GOLGA8N: variants seen among roughly 807,000 people sequenced by gnomAD.
GOLGA8N encodes the protein golgin subfamily A member 8N.
Under a neutral mutation model 22.0 loss-of-function variants are expected in GOLGA8N, and 2 were observed. That is an observed-to-expected ratio of 0.09 (90% confidence interval 0.04 to 0.29). The LOEUF is 0.29. GOLGA8N is among the 10% of genes least tolerant of loss of function. The probability of loss-of-function intolerance (pLI) is 1.00; values close to 1 mark genes in which losing one functional copy is unlikely to be tolerated. For missense variants in GOLGA8N, 10 were observed against 164.7 expected (o/e 0.06, Z 5.14); for synonymous variants, 2 against 58.7 (o/e 0.03, Z 4.41).
chr15:32,606,667 A>T (rs1349401040), exon 19 of GOLGA8N: 1 of 150,418 alleles, frequency 6.6e-6, no homozygotes, highest in African/African-American at 2.5e-5. Context: ...TGTCTGTAGG[A>T]AGAATCAAAA....
intron 8 of GOLGA8N, among the ~76,000 whole-genome samples, chr15:32,598,934 G>C (rs1196035908): frequency 1.6e-5 from 1 of 62,414 alleles, no homozygotes; most frequent in African/African-American, 4.9e-5. Context: ...TTGTTAGCAC[G>C]GTACCTGGTG....
chr15:32,606,529 C>T (rs900784361), exon 19 of GOLGA8N: 11 of 151,604 alleles, frequency 7.3e-5, no homozygotes, highest in Non-Finnish European at 1.5e-4. Flanking sequence ...CTCATTCAGC[C>T]GAGTATTTGT....
exon 19 of GOLGA8N, chr15:32,605,494 G>A (rs1222551560): frequency 5.9e-5 from 9 of 151,366 alleles, no homozygotes; most frequent in African/African-American, 1.2e-4. Context: ...GTTTCTGTTC[G>A]GGACATATTT....
exon 19 of GOLGA8N, chr15:32,606,819 CAT>C (rs1170315223): frequency 6.7e-6 from 1 of 150,360 alleles, no homozygotes; most frequent in Non-Finnish European, 1.5e-5. Context: ...CAGCCCTATC[CAT>C]AATATAGTTT....
chr15:32,604,518 G>GACA (rs1394764359), exon 19 of GOLGA8N: 1 of 121,736 alleles, frequency 8.2e-6, no homozygotes, highest in African/African-American at 3.2e-5. Flanking sequence ...ATTTAGAGTT[G>GACA]TTTAAAGGCC....
chr15:32,597,381 AC>A (rs906752048), intron 4 of GOLGA8N, 69 bp from the exon 5 acceptor site: 1 of 1,549,960 alleles, frequency 6.5e-7, no homozygotes, highest in African/African-American at 1.4e-5. Flanking sequence ...GCCCCTGCCT[AC>A]CGCTTCCTGG....
Position 32,598,545 on chromosome 15 carries a change from CGTTGT to C in GOLGA8N, c.591+371_591+375del, listed in dbSNP as rs1292969719. On this transcript the variant is annotated intron_variant, in intron 8 of 18. Transcript: ENST00000448387. ...TCTGTAGAAAGAGGAAACGTGTGTGCGTTGTGTGTGTGTGTGTGTGCATACTGTGA... is the reference window on the plus strand; with the variant it reads ...TCTGTAGAAAGAGGAAACGTGTGTGCGTGTGTGTGTGTGTGCATACTGTGA... Among the ~76,000 whole-genome samples the C allele has an allele frequency of 2.4e-4, 12 of 49,238 alleles. 1 individual carries two copies. The highest frequency in any genetic ancestry group is 5.2e-4 in the South Asian group (1 of 1,922). 32.3% of individuals were successfully genotyped at this position (49,238 alleles called of 152,430 possible). A position where few individuals can be genotyped will look rare whatever the true frequency, so the allele number is the denominator to read the frequency against.
rs1286862501 is a variant in GOLGA8N at position 32,598,669 on chromosome 15, G to A, written c.591+492G>A. ...GATACTTCCCTTCTGTACCTTCTGA[G>A]TTTTGGACTATGCAAATGTTATCAT... is the stretch of plus-strand genomic sequence containing the variant. On this transcript the variant is annotated intron_variant, in intron 8 of 18. Transcript: ENST00000448387. Among the ~76,000 whole-genome samples the A allele has an allele frequency of 3.6e-5, 2 of 56,320 alleles. 1 individual carries two copies. Among genetic ancestry groups the A allele is most frequent in the Non-Finnish European group, 7.9e-5 (2 of 25,392 alleles). 36.9% of individuals were successfully genotyped at this position (56,320 alleles called of 152,430 possible).
At position 32,598,684 on chromosome 15, in the gene GOLGA8N, A is replaced by C. The variant is rs1247324480; in HGVS notation, c.591+507A>C. ...TACCTTCTGAGTTTTGGACTATGCA[A>C]ATGTTATCATCCTTTCAAAAAGTGA... On this transcript the variant is annotated intron_variant, in intron 8 of 18. Transcript: ENST00000448387. Among the ~76,000 whole-genome samples the C allele has an allele frequency of 5.4e-5, 3 of 55,952 alleles. 1 individual carries two copies. Among genetic ancestry groups the C allele is most frequent in the African/African-American group, 2.0e-4 (3 of 15,264 alleles). 36.7% of individuals were successfully genotyped at this position (55,952 alleles called of 152,430 possible). A position where few individuals can be genotyped will look rare whatever the true frequency, so the allele number is the denominator to read the frequency against.
chr15:32,597,603 C>G, intron 5 of GOLGA8N, 114 bp downstream of exon 5: 2 of 1,599,376 alleles, frequency 1.3e-6, no homozygotes, highest in Non-Finnish European at 8.5e-7. Flanking sequence ...GCTGACCCCT[C>G]AGATTCCACC....
intron 5 of GOLGA8N, 108 bp downstream of exon 5, chr15:32,597,597 A>T (rs1351824412): frequency 1.2e-6 from 2 of 1,602,826 alleles, no homozygotes; most frequent in East Asian, 4.5e-5. Context: ...AAGAAGGCTG[A>T]CCCCTCAGAT....
At chr15:32,606,661 T>C (rs2052938105) in exon 19 of GOLGA8N, 2 of 150,120 alleles carry the variant, frequency 1.3e-5, no homozygotes, top group South Asian at 2.1e-4. Context: ...TTTTAATGTC[T>C]GTAGGAAGAA....
At chr15:32,597,611 A>T (rs2052835464) in intron 5 of GOLGA8N, 122 bp downstream of exon 5, 5 of 1,591,886 alleles carry the variant, frequency 3.1e-6, no homozygotes, top group Middle Eastern at 1.8e-4. Context: ...CTCAGATTCC[A>T]CCCCATCCCC....
chr15:32,606,474 A>G (rs937907222), exon 19 of GOLGA8N: 1 of 151,142 alleles, frequency 6.6e-6, no homozygotes, highest in Non-Finnish European at 1.5e-5. Flanking sequence ...TTGTATGACA[A>G]TAACTTAAGT....
chr15:32,607,084 A>G (rs1488117382), exon 19 of GOLGA8N: 1 of 151,946 alleles, frequency 6.6e-6, no homozygotes, highest in Non-Finnish European at 1.5e-5. Context: ...GAAATACTGA[A>G]AGATTTTTCC....
At chr15:32,597,648 TG>T (rs1220120627) in intron 5 of GOLGA8N, 103 bp from the exon 6 acceptor site, 1 of 962,912 alleles carries the variant, frequency 1.0e-6, no homozygotes, top group Non-Finnish European at 1.6e-6. Context: ...CCTGGTCCCA[TG>T]GGTGGGCCTG....
chr15:32,606,540 A>G (rs1274965608), exon 19 of GOLGA8N: 8 of 151,878 alleles, frequency 5.3e-5, no homozygotes, highest in South Asian at 2.1e-4. Flanking sequence ...GAGTATTTGT[A>G]CTCTTCCTCA....
At chr15:32,595,775 C>T (rs1334641540) in intron 2 of GOLGA8N, among the ~76,000 whole-genome samples, 1 of 44,614 alleles carries the variant, frequency 2.2e-5, no homozygotes, top group African/African-American at 8.2e-5. Context: ...AAGACTCTGT[C>T]TCAAAAAAAA....
At chr15:32,606,579 T>C (rs1246381080) in exon 19 of GOLGA8N, 1 of 151,504 alleles carries the variant, frequency 6.6e-6, no homozygotes, top group Non-Finnish European at 1.5e-5. Context: ...TCAGTTTGCT[T>C]AGAAGGCAAC....
Sources: allele counts gnomAD v4.1 joint callset (sites outside exome capture counted in the v4.1 genomes callset), GRCh38; gene constraint gnomAD v4.1.1; transcripts MANE v1.5; gene names NCBI Gene and HGNC (gene_info 2026-07-23, HGNC 2026-07-21).